Variants in DPH6 observed in about 807,000 individuals in gnomAD.
DPH6 encodes the protein diphthamine biosynthesis 6.
In DPH6, 33 loss-of-function variants were observed where a neutral mutation model predicts 38.2. That is an observed-to-expected ratio of 0.86 (90% CI 0.65 to 1.15). The LOEUF is 1.15. DPH6 is among the 50% of genes most tolerant of loss of function. The pLI, the probability that DPH6 is intolerant of heterozygous loss-of-function variation, is 0.00. For missense variants in DPH6, 325 were observed against 320.0 expected, an observed-to-expected ratio of 1.02 and a Z score of -0.12; for synonymous variants, 108 against 103.0, an observed-to-expected ratio of 1.05 and a Z score of -0.30.
intron 3 of DPH6, among the ~76,000 whole-genome samples, chr15:35,257,398 TC>T (rs1002479770): frequency 6.6e-6 from 1 of 152,142 alleles, no homozygotes; most frequent in East Asian, 1.9e-4. Flanking sequence ...TCTCTGAGTT[TC>T]CATACTCATG....
intron 3 of DPH6, among the ~76,000 whole-genome samples, chr15:35,355,327 TATG>T (rs1165669977): frequency 2.0e-5 from 3 of 152,220 alleles, no homozygotes; most frequent in African/African-American, 7.2e-5. Context: ...ATCCTGTCAT[TATG>T]ATGTTAGGTA....
chr15:35,530,043 T>C (rs2055064347), intron 3 of DPH6, among the ~76,000 whole-genome samples: 1 of 152,196 alleles, frequency 6.6e-6, no homozygotes, highest in African/African-American at 2.4e-5. Flanking sequence ...CAGTTCAGGA[T>C]CTATTATTGT....
intron 3 of DPH6, chr15:35,490,123 C>G: frequency 1.0e-6 from 1 of 985,346 alleles, no homozygotes; most frequent in Non-Finnish European, 1.2e-6. Flanking sequence ...TTCAACTGCA[C>G]TTCAATCATT....
At chr15:35,149,403 AATTTTTTGT>A in the DPH6 span, among the ~76,000 whole-genome samples, 1 of 152,020 alleles carries the variant, frequency 6.6e-6, no homozygotes, top group East Asian at 1.9e-4. Context: ...ACGCCCAGCT[AATTTTTTGT>A]ATTTTTAGTA....
chr15:35,439,889 G>A (rs553444563), intron 5 of DPH6, among the ~76,000 whole-genome samples: 25 of 152,128 alleles, frequency 1.6e-4, no homozygotes, highest in African/African-American at 3.1e-4. Context: ...TCCACATTAC[G>A]CAAATAATCA....
At chr15:35,360,495 T>C (rs8041893) in intron 3 of DPH6, among the ~76,000 whole-genome samples, 55,278 of 152,074 alleles carry the variant, frequency 0.36, 11,942 homozygotes, top group African/African-American at 0.61. Context: ...AGTCAAGTCA[T>C]AGGGCTGCTT....
At chr15:35,469,047 G>A (rs1345028286) in intron 3 of DPH6, among the ~76,000 whole-genome samples, 4 of 148,400 alleles carry the variant, frequency 2.7e-5, no homozygotes, top group African/African-American at 1.0e-4. Context: ...TCCAGCCTGG[G>A]CAACAAGAGC....
At chr15:35,448,074 C>T (rs540072877) in intron 5 of DPH6, among the ~76,000 whole-genome samples, 9 of 152,186 alleles carry the variant, frequency 5.9e-5, no homozygotes, top group African/African-American at 1.9e-4. Context: ...AGTGGTCTCA[C>T]GTTTTTCCTT....
At chr15:35,328,434 C>T (rs2052302340), downstream of DPH6, among the ~76,000 whole-genome samples, 1 of 152,014 alleles carries the variant, frequency 6.6e-6, no homozygotes, top group African/African-American at 2.4e-5. Flanking sequence ...GTTGTGAGTA[C>T]AGAAAATGTC....
At chr15:35,374,321 A>T (rs2052752511) in intron 7 of DPH6, among the ~76,000 whole-genome samples, 1 of 152,132 alleles carries the variant, frequency 6.6e-6, no homozygotes, top group Non-Finnish European at 1.5e-5. Flanking sequence ...GAAAATTTAA[A>T]AATAGAAATT....
intron 3 of DPH6, among the ~76,000 whole-genome samples, chr15:35,478,220 C>A (rs1266334224): frequency 6.6e-6 from 1 of 151,656 alleles, no homozygotes; most frequent in African/African-American, 2.4e-5. Context: ...TACTGATAAG[C>A]CTATAACTAA....
At chr15:35,161,514 G>A in the DPH6 span, among the ~76,000 whole-genome samples, 4 of 151,966 alleles carry the variant, frequency 2.6e-5, no homozygotes, top group African/African-American at 9.7e-5. Context: ...GTTATGGACT[G>A]AATGTTTGTG....
intron 6 of DPH6, among the ~76,000 whole-genome samples, chr15:35,384,325 A>C (rs544379024): frequency 1.2e-4 from 18 of 152,326 alleles, no homozygotes; most frequent in African/African-American, 4.1e-4. Context: ...AAAAATAACA[A>C]ACTACATTGA....
chr15:35,156,840 T>C, the DPH6 span, among the ~76,000 whole-genome samples: 199 of 152,206 alleles, frequency 1.3e-3, 1 homozygote, highest in African/African-American at 4.6e-3. Context: ...TTTATGGGAG[T>C]TGTCTATCAC....
intron 3 of DPH6, among the ~76,000 whole-genome samples, chr15:35,527,373 G>A (rs2055019426): frequency 6.6e-6 from 1 of 152,112 alleles, no homozygotes; most frequent in South Asian, 2.1e-4. Context: ...GAGGAGTAGA[G>A]TTTAACACAA....
In DPH6 at chr15:35,452,485, A is replaced by ATC. The variant is rs58439057; in HGVS notation, c.387-1684_387-1683dup. Among the ~76,000 whole-genome samples the ATC allele has an allele frequency of 8.9e-3, 1,340 of 149,892 alleles. 19 individuals are homozygous for ATC. Among genetic ancestry groups the ATC allele is most frequent in the African/African-American group, 0.03 (1,215 of 40,784 alleles). On this transcript the variant is annotated intron_variant, in intron 4 of 8. Transcript: ENST00000256538. ...TGGCCGACTTCTCTGGCCTATATTGATCTCTCTCTCTCTCTCTCTCTCTCT... is the reference window on the plus strand; with the variant it reads ...TGGCCGACTTCTCTGGCCTATATTGATCTCTCTCTCTCTCTCTCTCTCTCTCT...
rs1361028303 is a variant in DPH6 at position 35,372,121 on chromosome 15, G to A, written c.*29C>T. ...GCAATTTTTTTGTATAGAAATGGTGGTTTAATGAACAATGTTCCAAAACAC... is the reference window on the plus strand; with the variant it reads ...GCAATTTTTTTGTATAGAAATGGTGATTTAATGAACAATGTTCCAAAACAC... On this transcript the variant is annotated 3_prime_UTR_variant, in exon 9 of 9. Coordinates refer to ENST00000256538, the MANE Select transcript of DPH6 (RefSeq NM_080650.4). 19 of 1,503,800 alleles carry A rather than the reference G, an allele frequency of 1.3e-5. No homozygotes were observed. Among genetic ancestry groups the A allele is most frequent in the African/African-American group, 2.9e-5 (2 of 69,744 alleles). The allele number at this position is 1,503,800 out of a possible 1,614,324, so 93.2% of individuals were successfully genotyped here.
intron 3 of DPH6, among the ~76,000 whole-genome samples, chr15:35,359,935 C>CT (rs1437507125): frequency 2.0e-5 from 3 of 152,000 alleles, no homozygotes; most frequent in Admixed American, 6.6e-5. Context: ...CAGTAGTTGT[C>CT]TATCTTTGTC....
At chr15:35,175,292 C>T in the DPH6 span, among the ~76,000 whole-genome samples, 2 of 152,206 alleles carry the variant, frequency 1.3e-5, no homozygotes, top group Non-Finnish European at 2.9e-5. Flanking sequence ...TTCATCCACT[C>T]ACTCTCGACT....
Sources: gnomAD v4.1 joint callset for allele counts (sites outside exome capture counted in the v4.1 genomes callset) on GRCh38, gnomAD v4.1.1 for gene constraint, MANE v1.5 for transcripts, NCBI Gene and HGNC (gene_info 2026-07-23, HGNC 2026-07-21) for gene names.